PUDP: variants seen among roughly 807,000 people sequenced by gnomAD.
PUDP encodes pseudouridine 5'-phosphatase, also known as pseudouridine-5'-phosphatase.
PUDP carries 8 observed loss-of-function variants against 9.4 expected under a neutral mutation model. The observed-to-expected ratio is 0.85, with a 90% confidence interval of 0.50 to 1.53. The LOEUF (loss-of-function observed/expected upper bound fraction) is 1.53, where lower values mean the gene tolerates loss of function less well. PUDP is among the 40% of genes most tolerant of loss of function. PUDP has a pLI of 0.00. For synonymous variants in PUDP, 99 were observed against 80.7 expected (o/e 1.23, Z -1.22); for missense variants, 188 against 189.7 (o/e 0.99, Z 0.05).
chrX:7,019,020 CAA>C (rs1929592181), intron 1 of PUDP, among the ~76,000 whole-genome samples: 1 of 112,151 alleles, frequency 8.9e-6, no homozygotes, highest in Non-Finnish European at 1.9e-5. Flanking sequence ...TCCTTTATCA[CAA>C]ACCCTTGTAG....
chrX:6,974,346 T>C, intron 3 of PUDP, among the ~76,000 whole-genome samples: 1 of 112,109 alleles, frequency 8.9e-6, no homozygotes. Flanking sequence ...CAGTGGCTGG[T>C]ACTGGTTTTT....
intron 1 of PUDP, among the ~76,000 whole-genome samples, chrX:7,038,543 T>C (rs1186300183): frequency 8.9e-6 from 1 of 111,972 alleles, no homozygotes; most frequent in Non-Finnish European, 1.9e-5. Context: ...TGATACCTCT[T>C]GCTTGTAGCA....
At position 7,116,872 on chromosome X, in the gene PUDP, CAT is replaced by C. The variant is rs1368698398; in HGVS notation, c.62-11036_62-11035del. ...TCAGTGAGCTCTTGCTCTGAGTTCA[CAT>C]GAGAGCTGGTGGTTTAAAAGTGCAT... On this transcript the variant is annotated intron_variant, in intron 1 of 3. Coordinates refer to ENST00000381077, the MANE Select transcript of PUDP (RefSeq NM_012080.5). 148 of 1,120,188 alleles carry C rather than the reference CAT, an allele frequency of 1.3e-4. 1 individual carries two copies. Among genetic ancestry groups the C allele is most frequent in the Middle Eastern group, 1.0e-3 (3 of 2,907 alleles). The allele number at this position is 1,120,188 out of a possible 1,213,427, so 92.3% of individuals were successfully genotyped here.
intron 1 of PUDP, among the ~76,000 whole-genome samples, chrX:6,713,959 T>A (rs1004647384): frequency 9.0e-6 from 1 of 111,171 alleles, no homozygotes; most frequent in African/African-American, 3.3e-5. Flanking sequence ...GTGCAATGAT[T>A]TTACCTTACT....
In PUDP at chrX:7,077,265, G is replaced by T. The variant is rs370295530; in HGVS notation, c.465C>A (p.Phe155Leu). The T allele has an allele frequency of 3.3e-5, 40 of 1,202,686 alleles. No homozygotes were observed. The highest frequency in any genetic ancestry group is 4.5e-5 in the Non-Finnish European group (40 of 891,634). The stretch of plus-strand genomic sequence containing the variant: ...GAGAGAACCTCTTGGCACAAGCTAG[G>T]AAGATGTCCGGGTCTGGCTTGCCAT... Reference protein sequence around the residue: ...VQHGKPDPDIFLACAKRFSPP... With the variant: ...VQHGKPDPDILLACAKRFSPP... Residue 155 changes from phenylalanine (F) to leucine (L), a missense_variant, in exon 3 of 4, where the codon TTC (phenylalanine) becomes TTA (leucine). Phe to Leu is a conservative substitution (Grantham distance 22). Transcript: ENST00000381077.
chrX:6,996,285 G>C (rs1304465252), intron 1 of PUDP, among the ~76,000 whole-genome samples: 1 of 111,501 alleles, frequency 9.0e-6, no homozygotes, highest in African/African-American at 3.3e-5. Flanking sequence ...GAAACAAATA[G>C]TGGATTTCAC....
intron 3 of PUDP, among the ~76,000 whole-genome samples, chrX:6,908,647 C>T (rs1249119947): frequency 2.7e-5 from 3 of 111,127 alleles, no homozygotes; most frequent in East Asian, 2.8e-4. Context: ...ACCTTGGTGT[C>T]GAGTCTTCCT....
intron 1 of PUDP, among the ~76,000 whole-genome samples, chrX:7,022,414 A>T: frequency 8.9e-6 from 1 of 112,062 alleles, no homozygotes; most frequent in East Asian, 2.8e-4. Flanking sequence ...CAAGGGTAAG[A>T]TTTCCCATGG....
At chrX:6,802,088 T>A (rs1042189383) in intron 3 of PUDP, among the ~76,000 whole-genome samples, 7 of 112,168 alleles carry the variant, frequency 6.2e-5, no homozygotes, top group Non-Finnish European at 1.3e-4. Context: ...AATAGTAACA[T>A]TTATTGCTGT....
At chrX:6,890,470 C>T (rs1298176362) in intron 3 of PUDP, among the ~76,000 whole-genome samples, 1 of 111,911 alleles carries the variant, frequency 8.9e-6, no homozygotes, top group Non-Finnish European at 1.9e-5. Flanking sequence ...ATTCTAGTCA[C>T]CTGATGCATA....
intron 3 of PUDP, among the ~76,000 whole-genome samples, chrX:7,059,957 C>A (rs1930353133): frequency 8.9e-6 from 1 of 112,054 alleles, no homozygotes; most frequent in African/African-American, 3.2e-5. Flanking sequence ...CTAAGGAATT[C>A]ATTGGACCTG....
Position 6,728,591 on chromosome X carries a change from G to A in PUDP, c.*248-22125C>T, listed in dbSNP as rs1345929256. On this transcript the variant is annotated intron_variant and NMD_transcript_variant, in intron 3 of 3. Transcript: ENST00000655425. ...AGGGCACAAAGGGATTATGTGACTT[G>A]CCGAAAGTCACGTAGGCAGTGAGAT... 8.1e-5 allele frequency among the ~76,000 whole-genome samples: 9 copies of A among 111,757 alleles called. No homozygotes were observed. The East Asian group carries it at 2.2e-3, about 28-fold the overall frequency.
At chrX:6,904,872 G>A (rs190928451) in intron 3 of PUDP, among the ~76,000 whole-genome samples, 1 of 111,670 alleles carries the variant, frequency 9.0e-6, no homozygotes, top group East Asian at 2.8e-4. Flanking sequence ...ACACACACAA[G>A]CCCTCTAAGC....
chrX:7,024,754 C>CTTTTTTTTTTTTTTTTTTTTTT (rs55692944), intron 1 of PUDP, among the ~76,000 whole-genome samples: 1 of 54,454 alleles, frequency 1.8e-5, no homozygotes, highest in East Asian at 7.1e-4. Flanking sequence ...GCCCGGCTAA[C>CTTTTTTTTTTTTTTTTTTTTTT]TTTTTTTTTT....
intron 1 of PUDP, among the ~76,000 whole-genome samples, chrX:6,707,432 T>G (rs1360531103): frequency 1.8e-5 from 2 of 112,080 alleles, no homozygotes; most frequent in Non-Finnish European, 3.8e-5. Context: ...CATTGTAATA[T>G]ATAATGAAAT....
intron 3 of PUDP, among the ~76,000 whole-genome samples, chrX:6,848,805 A>G (rs1926785954): frequency 8.9e-6 from 1 of 111,919 alleles, no homozygotes; most frequent in Non-Finnish European, 1.9e-5. Flanking sequence ...ATCATTTGAT[A>G]TGCCAGCTTC....
At chrX:6,999,454 A>G (rs1284786969) in intron 1 of PUDP, among the ~76,000 whole-genome samples, 1 of 112,135 alleles carries the variant, frequency 8.9e-6, no homozygotes, top group East Asian at 2.8e-4. Context: ...GAGAAGAAAA[A>G]ATACATTCTT....
intron 1 of PUDP, among the ~76,000 whole-genome samples, chrX:6,997,035 GA>G (rs1039990507): frequency 9.1e-6 from 1 of 110,332 alleles, no homozygotes; most frequent in Non-Finnish European, 1.9e-5. Context: ...AGTACTAACT[GA>G]AAAAAAATAA....
chrX:6,749,791 C>T lies in PUDP; in HGVS notation c.*248-43325G>A, dbSNP rs765879356. On this transcript the variant is annotated intron_variant and NMD_transcript_variant, in intron 3 of 3. Coordinates refer to the PUDP transcript ENST00000655425. ...TGAAGGAAATGAACACGTTGAGTCA[C>T]TAACAACCTCTCTTGCATTGGTGTC... Among the ~76,000 whole-genome samples the T allele has an allele frequency of 3.8e-4, 43 of 112,054 alleles. 1 individual carries two copies. Among genetic ancestry groups the T allele is most frequent in the Middle Eastern group, 4.6e-3 (1 of 218 alleles).
Sources: gnomAD v4.1 joint callset for allele counts (sites outside exome capture counted in the v4.1 genomes callset) on GRCh38, gnomAD v4.1.1 for gene constraint, MANE v1.5 for transcripts, NCBI Gene and HGNC (gene_info 2026-07-23, HGNC 2026-07-21) for gene names.